The following ADGRV1 variants were observed in gnomAD, a reference collection of about 807,000 sequenced individuals.
ADGRV1 encodes adhesion G protein-coupled receptor V1.
Under a neutral mutation model 596.2 loss-of-function variants are expected in ADGRV1, and 359 were observed. That is an observed-to-expected ratio of 0.60 (90% CI 0.55 to 0.66). ADGRV1 has a LOEUF of 0.66. ADGRV1 is among the 30% of genes least tolerant of loss of function. The probability of loss-of-function intolerance (pLI) is 0.00; values close to 1 mark genes in which losing one functional copy is unlikely to be tolerated. For missense variants in ADGRV1, 7,274 were observed against 7,575.6 expected (o/e 0.96, Z 1.48); for synonymous variants, 2,681 against 2,679.2 (o/e 1.00, Z -0.02).
chr5:90,866,637 C>T (rs942812722), intron 83 of ADGRV1, among the ~76,000 whole-genome samples: 8 of 152,014 alleles, frequency 5.3e-5, no homozygotes, highest in Non-Finnish European at 1.2e-4. Context: ...TCCTACCTTT[C>T]TCTTTTTATC....
intron 70 of ADGRV1, among the ~76,000 whole-genome samples, chr5:90,800,850 C>G (rs899224864): frequency 6.6e-6 from 1 of 152,166 alleles, no homozygotes; most frequent in South Asian, 2.1e-4. Flanking sequence ...CGTGTTCTCA[C>G]TCATAAGTGG....
At chr5:91,152,924 A>G (rs1431367713) in intron 88 of ADGRV1, among the ~76,000 whole-genome samples, 1 of 152,026 alleles carries the variant, frequency 6.6e-6, no homozygotes, top group Non-Finnish European at 1.5e-5. Context: ...CAATCCTCCC[A>G]CCGAAATTTA....
chr5:91,145,294 G>A lies in ADGRV1; in HGVS notation c.18433-4736G>A, dbSNP rs529992345. ...TAGATATAAAAACAAACAAGAGGGA[G>A]AATACACTGTTTTAACAAATGGGTC... On this transcript the variant is annotated intron_variant, in intron 87 of 89. Coordinates refer to ENST00000405460, the MANE Select transcript of ADGRV1 (RefSeq NM_032119.4). 1.2e-3 allele frequency among the ~76,000 whole-genome samples: 187 copies of A among 152,302 alleles called. 1 individual carries two copies. Among genetic ancestry groups the A allele is most frequent in the Non-Finnish European group, 1.8e-3 (123 of 68,026 alleles).
At chr5:90,956,236 G>A (rs1777467329) in intron 83 of ADGRV1, among the ~76,000 whole-genome samples, 3 of 152,222 alleles carry the variant, frequency 2.0e-5, no homozygotes, top group African/African-American at 4.8e-5. Context: ...TGAAGTGACT[G>A]TAGAGTCTGA....
chr5:90,810,195 A>T (rs759938746), intron 73 of ADGRV1, 38 bp from the exon 74 acceptor site: 40 of 1,478,698 alleles, frequency 2.7e-5, no homozygotes, highest in East Asian at 2.2e-4. Flanking sequence ...CCTATTTTTT[A>T]AAAAATCAAT....
In ADGRV1 at chr5:90,810,497, T is replaced by C; in HGVS notation, c.15237T>C (p.Ile5079=). 6.2e-7 allele frequency: 1 copy of C among 1,613,970 alleles called. No homozygotes were observed. The highest frequency in any genetic ancestry group is 8.5e-7 in the Non-Finnish European group (1 of 1,179,834). ...QTEVDFEITI[I]NDQLSEIEEF... is the part of the protein sequence containing the mutation. ...AGGTTGATTTTGAAATAACCATTAT[T>C]AATGATCAGCTTTCTGAGATAGAAG... The change falls in exon 74 of 90, where the codon ATT becomes ATC. Residue 5079 remains isoleucine (I), a synonymous_variant. Coordinates refer to ENST00000405460, the MANE Select transcript of ADGRV1 (RefSeq NM_032119.4).
Position 90,712,421 on chromosome 5 carries a change from T to A in ADGRV1, c.9177T>A (p.Asn3059Lys), listed in dbSNP as rs1373335521. The change falls in exon 42 of 90, where the codon AAT becomes AAA. Residue 3059 changes from asparagine (N) to lysine (K), a missense_variant. Physicochemically the swap from Asn to Lys is moderately conservative, Grantham distance 94. Around this residue, in one of 5 missense-constraint regions of ADGRV1, gnomAD observed 3,643 missense variants for 3,809.2 expected, o/e 0.96. Coordinates refer to ENST00000405460, the MANE Select transcript of ADGRV1 (RefSeq NM_032119.4). ...NPSPGLELGKNTIALIIVLAN... is the reference protein window; with the variant it reads ...NPSPGLELGKKTIALIIVLAN... ...CTCCTGGACTAGAGCTAGGGAAAAA[T>A]ACAATAGGTAATTAATAATTTCTTA... The A allele has an allele frequency of 6.3e-7, 1 of 1,583,998 alleles. No individual in the cohort carries two copies. Among genetic ancestry groups the A allele is most frequent in the Admixed American group, 1.7e-5 (1 of 57,732 alleles).
Position 90,652,413 on chromosome 5 carries a change from G to C in ADGRV1, c.3484G>C (p.Ala1162Pro), listed in dbSNP as rs1473614489. The change falls in exon 19 of 90, where the codon GCT becomes CCT. Residue 1162 changes from alanine to proline, a missense_variant. Transcript: ENST00000405460. The part of the protein sequence containing the change: ...VSWQLFQNDS[A>P]LQPGQEFYET... ...TTGGCAGCTCTTTCAGAATGATTCT[G>C]CTTTGCAGCCTGGGCAGGAGTTCTA... The C allele has an allele frequency of 1.9e-6, 3 of 1,612,544 alleles. No individual in the cohort carries two copies. Among genetic ancestry groups the C allele is most frequent in the Non-Finnish European group, 2.5e-6 (3 of 1,179,158 alleles).
chr5:91,133,309 G>C (rs553176382), intron 87 of ADGRV1, among the ~76,000 whole-genome samples: 2 of 152,324 alleles, frequency 1.3e-5, no homozygotes, highest in South Asian at 2.1e-4. Context: ...GGGGAGGAGA[G>C]AGAAGGGGTC....
intron 85 of ADGRV1, among the ~76,000 whole-genome samples, chr5:91,070,133 T>C: frequency 6.6e-6 from 1 of 152,184 alleles, no homozygotes; most frequent in East Asian, 1.9e-4. Flanking sequence ...GGGGCAAGGA[T>C]AACAAAACTA....
intron 6 of ADGRV1, among the ~76,000 whole-genome samples, chr5:90,626,962 A>T (rs1310175839): frequency 3.3e-5 from 5 of 152,212 alleles, no homozygotes; most frequent in African/African-American, 1.2e-4. Flanking sequence ...GCTGAAAGAC[A>T]TTATACCTGG....
intron 87 of ADGRV1, among the ~76,000 whole-genome samples, chr5:91,103,315 T>C (rs1384707163): frequency 1.3e-5 from 2 of 152,036 alleles, no homozygotes; most frequent in African/African-American, 4.8e-5. Context: ...TCTGTGGTTA[T>C]AGTTACAGGT....
intron 58 of ADGRV1, among the ~76,000 whole-genome samples, chr5:90,761,762 T>C (rs1756537819): frequency 6.6e-6 from 1 of 152,234 alleles, no homozygotes; most frequent in Non-Finnish European, 1.5e-5. Context: ...TTGTTGAATA[T>C]GTAAAGCATG....
chr5:90,612,349 T>C (rs1243526317), intron 1 of ADGRV1, among the ~76,000 whole-genome samples: 2 of 152,068 alleles, frequency 1.3e-5, no homozygotes, highest in South Asian at 2.1e-4. Context: ...TTATTGTGCA[T>C]GAGCTTGAAA....
Position 90,705,589 on chromosome 5 carries a change from A to G in ADGRV1, c.8566+10A>G, listed in dbSNP as rs1232170144. 1 of 1,607,948 alleles carries G rather than the reference A, an allele frequency of 6.2e-7. No individual in the cohort carries two copies. Among genetic ancestry groups the G allele is most frequent in the South Asian group, 1.1e-5 (1 of 90,462 alleles). On this transcript the variant is annotated intron_variant, in intron 37 of 89. Coordinates refer to ENST00000405460, the MANE Select transcript of ADGRV1 (RefSeq NM_032119.4). ...GAATTTGGATCTCTAGGTTTGTGTT[A>G]CTCTAGAATGAATGGGGTTTCCAGG...
At chr5:91,014,136 C>CACA (rs1782962720) in intron 85 of ADGRV1, among the ~76,000 whole-genome samples, 3 of 35,638 alleles carry the variant, frequency 8.4e-5, no homozygotes, top group African/African-American at 2.7e-4. Context: ...TTCACAATTG[C>CACA]CACACACACA....
intron 70 of ADGRV1, chr5:90,793,190 T>C (rs1210666618): frequency 6.6e-6 from 1 of 152,326 alleles, no homozygotes; most frequent in East Asian, 1.9e-4. Context: ...CTCTCAAGGC[T>C]AAACAGTACA....
chr5:90,806,314 G>A (rs1761898518), intron 72 of ADGRV1, among the ~76,000 whole-genome samples: 1 of 152,210 alleles, frequency 6.6e-6, no homozygotes, highest in Non-Finnish European at 1.5e-5. Context: ...ACACCATAGT[G>A]TGATAACTGC....
chr5:90,921,795 TG>T (rs1370398640), intron 83 of ADGRV1, among the ~76,000 whole-genome samples: 2 of 149,202 alleles, frequency 1.3e-5, no homozygotes, highest in Non-Finnish European at 3.0e-5. Context: ...AGTTGTGTCT[TG>T]TTTTTTTTTT....
Sources: allele counts gnomAD v4.1 joint callset (sites outside exome capture counted in the v4.1 genomes callset), GRCh38; gene constraint gnomAD v4.1.1; regional missense constraint gnomAD v4.1.1; transcripts MANE v1.5; gene names NCBI Gene and HGNC (gene_info 2026-07-23, HGNC 2026-07-21).